The following TCF4 variants were observed in gnomAD, a reference collection of about 807,000 sequenced individuals.
TCF4 encodes transcription factor 4.
In TCF4, 3 loss-of-function variants were observed where a neutral mutation model predicts 82.1. The ratio of observed to expected loss-of-function variants is 0.04; its 90% CI spans 0.02 to 0.09. The LOEUF is 0.09. Among genes scored for constraint, TCF4 ranks in the 10% least tolerant of loss-of-function variants. The pLI is 1.00. For synonymous variants in TCF4, 276 were observed against 309.6 expected (o/e 0.89, Z 1.14); for missense variants, 518 against 852.7 (o/e 0.61, Z 4.89).
At chr18:55,340,055 C>A (rs2079515731) in intron 8 of TCF4, among the ~76,000 whole-genome samples, 1 of 152,200 alleles carries the variant, frequency 6.6e-6, no homozygotes, top group African/African-American at 2.4e-5. Flanking sequence ...GCCTAACCTT[C>A]AGTTTTGCGG....
intron 3 of TCF4, among the ~76,000 whole-genome samples, chr18:55,488,522 A>C (rs2096541920): frequency 6.6e-6 from 1 of 152,188 alleles, no homozygotes; most frequent in Non-Finnish European, 1.5e-5. Flanking sequence ...CTAGGATAAA[A>C]ATTGAAAGGT....
At chr18:55,575,230 G>A (rs1450125562) in intron 3 of TCF4, among the ~76,000 whole-genome samples, 2 of 152,204 alleles carry the variant, frequency 1.3e-5, no homozygotes, top group Admixed American at 6.5e-5. Context: ...AAGAATCACA[G>A]TGGCCATAAG....
At chr18:55,232,882 A>G (rs995039625) in intron 16 of TCF4, among the ~76,000 whole-genome samples, 15 of 152,224 alleles carry the variant, frequency 9.9e-5, no homozygotes, top group Admixed American at 9.8e-4. Context: ...CTATTTTGCA[A>G]TCTTTTGGAG....
chr18:55,530,321 G>T (rs965114721), intron 3 of TCF4, among the ~76,000 whole-genome samples: 1 of 152,168 alleles, frequency 6.6e-6, no homozygotes, highest in African/African-American at 2.4e-5. Context: ...GAAAGAGTAG[G>T]GGGTTGGGAT....
intron 8 of TCF4, among the ~76,000 whole-genome samples, chr18:55,299,132 C>A (rs2067342926): frequency 6.6e-6 from 1 of 152,128 alleles, no homozygotes; most frequent in Admixed American, 6.6e-5. Context: ...CTTTCTTGGC[C>A]AGGTGTGGTG....
chr18:55,588,472 C>T, upstream of TCF4: 1 of 1,535,180 alleles, frequency 6.5e-7, no homozygotes, highest in Non-Finnish European at 8.7e-7. Context: ...TCGAGCACCT[C>T]ATTTTTCCTC....
chr18:55,547,094 AACAG>A lies in TCF4; in HGVS notation c.145+38182_145+38185del, dbSNP rs377691035. 2.4e-4 allele frequency among the ~76,000 whole-genome samples: 37 copies of A among 152,346 alleles called. No individual in the cohort carries two copies. In the South Asian group the frequency reaches 2.9e-3, roughly 12 times the overall value. ...AGCTGTTGAGTCACCAGTACTTTAA[AACAG>A]ACAGAGCTTTACTACAAATCCACTT... On this transcript the variant is annotated intron_variant, in intron 3 of 19. Coordinates refer to ENST00000354452, the MANE Select transcript of TCF4 (RefSeq NM_001083962.2).
chr18:55,293,744 T>A (rs1601665266), intron 8 of TCF4, among the ~76,000 whole-genome samples: 1 of 152,248 alleles, frequency 6.6e-6, no homozygotes, highest in East Asian at 1.9e-4. Flanking sequence ...TTGATGTTGA[T>A]GAACCTCAGT....
chr18:55,361,667 C>T (rs966756588), intron 6 of TCF4, among the ~76,000 whole-genome samples: 4 of 152,214 alleles, frequency 2.6e-5, no homozygotes, highest in African/African-American at 9.6e-5. Flanking sequence ...AGGCCACTCC[C>T]TATCACAAGG....
intron 8 of TCF4, among the ~76,000 whole-genome samples, chr18:55,312,053 T>C (rs1479833707): frequency 6.6e-6 from 1 of 152,194 alleles, no homozygotes; most frequent in Non-Finnish European, 1.5e-5. Context: ...TAGCTCCCTA[T>C]TGGCAATGCA....
In TCF4 at chr18:55,279,513, A is replaced by G. The variant is rs758897422; in HGVS notation, c.655+38T>C. ...ACATTAAGTGACCCAGGAAAATGCT[A>G]TCCAGTGGCCTTTCCCTCAGAAGCA... is the stretch of plus-strand genomic sequence containing the variant. On this transcript the variant is annotated intron_variant, in intron 9 of 19. Coordinates refer to ENST00000354452, the MANE Select transcript of TCF4 (RefSeq NM_001083962.2). The G allele has an allele frequency of 2.5e-6, 4 of 1,613,218 alleles. No homozygotes were observed. In the South Asian group the frequency reaches 3.3e-5, roughly 13 times the overall value.
Position 55,509,610 on chromosome 18 carries a change from T to C in TCF4, c.146-45473A>G, listed in dbSNP as rs151178541. ...AGGTCATCAAGAGTAAAATGGCTAG[T>C]GGCTTAATGTGACATCCAAAATGAT... On this transcript the variant is annotated intron_variant, in intron 3 of 19. Coordinates refer to ENST00000354452, the MANE Select transcript of TCF4 (RefSeq NM_001083962.2). 7.1e-4 allele frequency among the ~76,000 whole-genome samples: 108 copies of C among 152,310 alleles called. 1 individual carries two copies. Among genetic ancestry groups the C allele is most frequent in the African/African-American group, 2.5e-3 (103 of 41,572 alleles).
chr18:55,609,711 T>G (rs964921030), intron 2 of TCF4, among the ~76,000 whole-genome samples: 1 of 152,198 alleles, frequency 6.6e-6, no homozygotes, highest in Non-Finnish European at 1.5e-5. Context: ...CCAGCCACTT[T>G]AGACTCTGCA....
intron 5 of TCF4, among the ~76,000 whole-genome samples, chr18:55,410,736 C>T (rs1367105390): frequency 6.6e-6 from 1 of 152,106 alleles, no homozygotes; most frequent in Non-Finnish European, 1.5e-5. Flanking sequence ...ACTGTAGCAA[C>T]AACCATTGCC....
chr18:55,384,006 T>G (rs970668690), intron 6 of TCF4: 16 of 152,250 alleles, frequency 1.1e-4, no homozygotes, highest in African/African-American at 3.9e-4. Flanking sequence ...CTGACTCTTC[T>G]GACAGAGAAT....
At chr18:55,553,717 G>A (rs994784813) in intron 3 of TCF4, among the ~76,000 whole-genome samples, 2 of 152,178 alleles carry the variant, frequency 1.3e-5, no homozygotes, top group South Asian at 2.1e-4. Flanking sequence ...ATTTGGGTGT[G>A]GTGAAGGTAG....
intron 12 of TCF4, among the ~76,000 whole-genome samples, chr18:55,260,543 A>G (rs956091267): frequency 2.0e-5 from 3 of 151,780 alleles, no homozygotes; most frequent in Non-Finnish European, 4.4e-5. Flanking sequence ...AAAATCTTAG[A>G]GAAAGAAATC....
At position 55,613,008 on chromosome 18, in the gene TCF4, A is replaced by G. The variant is rs185993379; in HGVS notation, c.286+18290T>C. On this transcript the variant is annotated intron_variant, in intron 2 of 20. Transcript: ENST00000398339. ...AGGTTTCAATGTCACCATCACCCCA[A>G]TAGTGTACTTTGTACCAATTAAGTA... 2.4e-3 allele frequency among the ~76,000 whole-genome samples: 359 copies of G among 152,250 alleles called. 2 individuals carry two copies. The highest frequency in any genetic ancestry group is 8.4e-3 in the African/African-American group (349 of 41,532).
intron 5 of TCF4, among the ~76,000 whole-genome samples, chr18:55,409,304 A>G (rs2094239084): frequency 6.6e-6 from 1 of 152,104 alleles, no homozygotes; most frequent in Non-Finnish European, 1.5e-5. Context: ...CTGCCCCCCA[A>G]CAGATTTACA....
Sources: gnomAD v4.1 joint callset for allele counts (sites outside exome capture counted in the v4.1 genomes callset) on GRCh38, gnomAD v4.1.1 for gene constraint, MANE v1.5 for transcripts, NCBI Gene and HGNC (gene_info 2026-07-23, HGNC 2026-07-21) for gene names.